The following GGTLC1 variants were observed in gnomAD, a reference collection of about 807,000 sequenced individuals.
GGTLC1 encodes the protein glutathione hydrolase light chain 1.
Under a neutral mutation model 19.5 loss-of-function variants are expected in GGTLC1, and 14 were observed. The observed-to-expected ratio is 0.72, with a 90% CI of 0.47 to 1.12. The LOEUF (loss-of-function observed/expected upper bound fraction) is 1.12, where lower values mean the gene tolerates loss of function less well. Among genes scored for constraint, GGTLC1 ranks in the 50% most tolerant of loss-of-function variants. The pLI is 0.00. For missense variants in GGTLC1, 304 were observed against 309.2 expected (o/e 0.98, Z 0.13); for synonymous variants, 110 against 124.2 (o/e 0.89, Z 0.76).
rs1161767703 is a variant in GGTLC1, at chr20:23,986,071, C to T, written c.304+5G>A. On this transcript the variant is annotated splice_donor_5th_base_variant and intron_variant, in intron 3 of 5. Coordinates refer to ENST00000335694, the MANE Select transcript of GGTLC1 (RefSeq NM_178311.3). ...GTCCCCCACCCTCGGACCTCCACCC[C>T]ATACCTGGCTGGATGAAATTGGCAG... is the stretch of plus-strand genomic sequence containing the variant. 2 of 1,613,902 alleles carry T rather than the reference C, an allele frequency of 1.2e-6. No individual in the cohort carries two copies. Among genetic ancestry groups the T allele is most frequent in the African/African-American group, 1.3e-5 (1 of 75,024 alleles).
chr20:23,986,743 G>A (rs1310450008), intron 1 of GGTLC1, 98 bp from the exon 2 acceptor site: 21 of 1,469,840 alleles, frequency 1.4e-5, no homozygotes, highest in Middle Eastern at 2.4e-4. Context: ...ACAACCTTCC[G>A]TGGCTCCCCA....
At chr20:23,988,196 A>G (rs189032594) in intron 1 of GGTLC1, among the ~76,000 whole-genome samples, 119 of 144,308 alleles carry the variant, frequency 8.2e-4, no homozygotes, top group African/African-American at 2.9e-3. Context: ...CTACAGGCGC[A>G]TGCCACCATG....
At chr20:23,987,546 A>T (rs1453699368) in intron 1 of GGTLC1, among the ~76,000 whole-genome samples, 19 of 152,098 alleles carry the variant, frequency 1.2e-4, no homozygotes, top group South Asian at 4.2e-4. Context: ...ACGTATAAAA[A>T]AAATAAATAA....
At position 23,985,310 on chromosome 20, in the gene GGTLC1, G is replaced by T; in HGVS notation, c.584C>A (p.Thr195Asn). 1 of 1,612,040 alleles carries T rather than the reference G, an allele frequency of 6.2e-7. No individual in the cohort carries two copies. The highest frequency in any genetic ancestry group is 8.5e-7 in the Non-Finnish European group (1 of 1,179,874). ...GATGGCTTGCACCACAGCAATGAAG[G>T]TGGACGTGATCTGGGTGTGATGGTG... ...TRHHHTQITS[T>N]FIAVVQAIVR... The change falls in exon 6 of 6, where the codon ACC (threonine) becomes AAC (asparagine). Residue 195 changes from threonine (T) to asparagine (N), a missense_variant. By Grantham distance (65) the Thr-to-Asn change is moderately conservative. Transcript: ENST00000335694.
chr20:23,985,397 G>T lies in GGTLC1; in HGVS notation c.532-35C>A, dbSNP rs1423536996. On this transcript the variant is annotated intron_variant, in intron 5 of 5. Coordinates refer to ENST00000335694, the MANE Select transcript of GGTLC1 (RefSeq NM_178311.3). The stretch of plus-strand genomic sequence containing the variant: ...GGAGGAGAGGGGAAGCCTGAGCAGG[G>T]CTCCAGATGCCACCTGAACCACACC... The T allele has an allele frequency of 5.0e-6, 8 of 1,611,158 alleles. No individual in the cohort carries two copies. In the African/African-American group the frequency reaches 1.1e-4, roughly 22 times the overall value.
chr20:23,987,242 T>C (rs926757582), intron 1 of GGTLC1, among the ~76,000 whole-genome samples: 2 of 152,188 alleles, frequency 1.3e-5, no homozygotes, highest in African/African-American at 4.8e-5. Flanking sequence ...CAGGACATCC[T>C]AGGTCCCATA....
At chr20:23,985,452 T>C in intron 5 of GGTLC1, 90 bp from the exon 6 acceptor site, 1 of 1,609,154 alleles carries the variant, frequency 6.2e-7, no homozygotes, top group Non-Finnish European at 8.5e-7. Context: ...GCCCAGGTGG[T>C]GCCATTTCAG....
At position 23,987,937 on chromosome 20, in the gene GGTLC1, T is replaced by C. The variant is rs1988032895; in HGVS notation, c.-35+672A>G. Among the ~76,000 whole-genome samples, 3 of 128,008 alleles carry C rather than the reference T, an allele frequency of 2.3e-5. No homozygotes were observed. The Admixed American group carries it at 2.5e-4, about 11-fold the overall frequency. The allele number at this position is 128,008 out of a possible 152,430, so 84.0% of individuals were successfully genotyped here. A position where few individuals can be genotyped will look rare whatever the true frequency, so the allele number is the denominator to read the frequency against. ...GGTGGCGGGCGCCTGTAGTCCCAAC[T>C]CCAGAGGCTGAGGCAGGAGAATGGC... On this transcript the variant is annotated intron_variant, in intron 1 of 5. Transcript: ENST00000335694.
chr20:23,986,707 G>A (rs200469632), intron 1 of GGTLC1, 62 bp from the exon 2 acceptor site: 2 of 1,544,844 alleles, frequency 1.3e-6, no homozygotes, highest in Non-Finnish European at 1.8e-6. Context: ...CCTGACTGTG[G>A]CTCTGACCAC....
In GGTLC1 at chr20:23,985,097, C is replaced by T. The variant is rs148251068; in HGVS notation, c.*119G>A. 11,492 of 1,478,164 alleles carry T rather than the reference C, an allele frequency of 7.8e-3. 69 individuals are homozygous for T. The highest frequency in any genetic ancestry group is 9.2e-3 in the Non-Finnish European group (9,987 of 1,082,424). The allele number at this position is 1,478,164 out of a possible 1,614,324, so 91.6% of individuals were successfully genotyped here. On this transcript the variant is annotated 3_prime_UTR_variant, in exon 6 of 6. Transcript: ENST00000335694. The stretch of plus-strand genomic sequence containing the variant: ...GGCCACCTGGAGCCTGGCACAGTGG[C>T]CTCATTTATTGTGCTGCTCTGCTGC...
chr20:23,986,870 TTCAATCAC>T (rs1987960022), intron 1 of GGTLC1: 1 of 1,405,610 alleles, frequency 7.1e-7, no homozygotes. Flanking sequence ...CCTTGCTGCA[TTCAATCAC>T]TCATTCCTTC....
intron 1 of GGTLC1, among the ~76,000 whole-genome samples, chr20:23,987,674 G>A (rs1034152976): frequency 3.3e-5 from 5 of 152,012 alleles, no homozygotes; most frequent in Non-Finnish European, 5.9e-5. Context: ...GCGAGGAGGA[G>A]ATGAGGAGGT....
At chr20:23,985,835 G>A (rs7273903) in intron 4 of GGTLC1, 27 bp downstream of exon 4, 18,527 of 1,612,016 alleles carry the variant, frequency 0.011, 472 homozygotes, top group African/African-American at 0.095. Flanking sequence ...GGTGGGCACG[G>A]CCAGGGAGAA....
At position 23,985,685 on chromosome 20, in the gene GGTLC1, C is replaced by T. The variant is rs1786468889; in HGVS notation, c.513G>A (p.Val171=). The T allele has an allele frequency of 1.2e-6, 2 of 1,612,030 alleles. No homozygotes were observed. Among genetic ancestry groups the T allele is most frequent in the Non-Finnish European group, 1.7e-6 (2 of 1,179,860 alleles). Residue 171 remains valine (V), a synonymous_variant, in exon 5 of 6, where the codon GTG becomes GTA. Transcript: ENST00000335694. ...AGCCCACCTGGTCAATGTTTCTCTC[C>T]ACTGTCGTGACGTTGGGCAGAAGCT... ...HNQLLPNVTT[V]ERNIDQEVTA...
chr20:23,985,545 A>G, intron 5 of GGTLC1, 122 bp downstream of exon 5: 3 of 1,587,662 alleles, frequency 1.9e-6, no homozygotes. Context: ...CAGGGGCTCC[A>G]GATGGCCCAG....
At position 23,986,599 on chromosome 20, in the gene GGTLC1, A is replaced by C; in HGVS notation, c.13T>G (p.Phe5Val). The C allele has an allele frequency of 6.4e-7, 1 of 1,561,950 alleles. No individual in the cohort carries two copies. Among genetic ancestry groups the C allele is most frequent in the Non-Finnish European group, 8.7e-7 (1 of 1,149,994 alleles). ...TGGGCCCGGAGCTGGGCAGAGAAGA[A>C]CTCGGAGGTCATGTCGCGGACCACC... MTSE[F>V]FSAQLRAQIS... Residue 5 changes from phenylalanine (F) to valine (V), a missense_variant, in exon 2 of 6, where the codon TTC (phenylalanine) becomes GTC (valine). Transcript: ENST00000335694.
rs764787591 is a variant in GGTLC1 at position 23,986,003 on chromosome 20, C to T, written c.305-29G>A. ...CGGCCAATGGGAGAAGACAGGGATG[C>T]CCGTCAGCTGCCTGCCCAGGACACC... is the stretch of plus-strand genomic sequence containing the variant. On this transcript the variant is annotated intron_variant, in intron 3 of 5. Transcript: ENST00000335694. The T allele has an allele frequency of 1.9e-6, 3 of 1,612,004 alleles. No individual in the cohort carries two copies. In the East Asian group the frequency reaches 6.7e-5, roughly 36 times the overall value.
rs180925592 is a variant in GGTLC1 at position 23,986,208 on chromosome 20, C to G, written c.177-5G>C. The G allele has an allele frequency of 1.4e-3, 2,291 of 1,606,194 alleles. 5 individuals are homozygous for G. Among genetic ancestry groups the G allele is most frequent in the Non-Finnish European group, 1.8e-3 (2,114 of 1,176,350 alleles). On this transcript the variant is annotated splice_polypyrimidine_tract_variant and splice_region_variant and intron_variant, in intron 2 of 5. Coordinates refer to ENST00000335694, the MANE Select transcript of GGTLC1 (RefSeq NM_178311.3). ...GAGCGCACCTTGGAGCCAAAGCTAT[C>G]GCCCAGCCAGGTCAGACAGTGCCCG... is the stretch of plus-strand genomic sequence containing the variant.
chr20:23,985,736 G>A lies in GGTLC1; in HGVS notation c.462C>T (p.Ala154=), dbSNP rs772850394. ...GGTTGTGCAGCCGGGGCTCCTCCAC[G>A]GCCCACTTCACGTCATAGCCGAACC... ...NLWFGYDVKW[A]VEEPRLHNQL... Residue 154 remains alanine, a synonymous_variant, in exon 5 of 6, where the codon GCC becomes GCT. Transcript: ENST00000335694. The A allele has an allele frequency of 1.1e-5, 18 of 1,611,888 alleles. No individual in the cohort carries two copies. The East Asian group carries it at 1.8e-4, about 16-fold the overall frequency.
Sources: gnomAD v4.1 joint callset for allele counts (sites outside exome capture counted in the v4.1 genomes callset) on GRCh38, gnomAD v4.1.1 for gene constraint, MANE v1.5 for transcripts, NCBI Gene and HGNC (gene_info 2026-07-23, HGNC 2026-07-21) for gene names.